SLC25A18: variants seen among roughly 807,000 people sequenced by gnomAD.
SLC25A18 encodes mitochondrial glutamate carrier 2.
In SLC25A18, 24 loss-of-function variants were observed where a neutral mutation model predicts 31.1. That is an observed-to-expected ratio of 0.77 (90% confidence interval 0.56 to 1.08). The LOEUF (loss-of-function observed/expected upper bound fraction) is 1.08. SLC25A18 is among the 50% of genes least tolerant of loss of function. The probability of loss-of-function intolerance (pLI) is 0.00; values close to 1 mark genes in which losing one functional copy is unlikely to be tolerated. For missense variants in SLC25A18, 371 were observed against 418.5 expected, an observed-to-expected ratio of 0.89 and a Z score of 0.99; for synonymous variants, 173 against 161.9, an observed-to-expected ratio of 1.07 and a Z score of -0.52.
chr22:17,580,787 G>A, intron 3 of SLC25A18: 2 of 1,263,036 alleles, frequency 1.6e-6, no homozygotes, highest in Non-Finnish European at 2.0e-6. Flanking sequence ...GCAGAGCTGG[G>A]CTCCTCCCAG....
At chr22:17,565,518 C>CA in intron 1 of SLC25A18, among the ~76,000 whole-genome samples, 1 of 152,256 alleles carries the variant, frequency 6.6e-6, no homozygotes, top group South Asian at 2.1e-4. Flanking sequence ...GAACTACAGA[C>CA]ACACACCGCA....
chr22:17,590,981 G>C lies in SLC25A18; in HGVS notation c.*745G>C, dbSNP rs1405708819. The C allele has an allele frequency of 3.9e-5, 6 of 152,242 alleles. No homozygotes were observed. Among genetic ancestry groups the C allele is most frequent in the African/African-American group, 1.2e-4 (5 of 41,442 alleles). The allele number at this position is 152,242 out of a possible 1,614,324, so 9.4% of individuals were successfully genotyped here. ...CCATTTCAAAACCAAACATTAAAAA[G>C]GGCATAGAAGCAGACCCCCGTCACT... On this transcript the variant is annotated 3_prime_UTR_variant, in exon 11 of 11. Coordinates refer to ENST00000327451, the MANE Select transcript of SLC25A18 (RefSeq NM_031481.3).
intron 2 of SLC25A18, among the ~76,000 whole-genome samples, chr22:17,577,454 G>A (rs983625592): frequency 3.3e-5 from 5 of 151,932 alleles, no homozygotes; most frequent in South Asian, 2.1e-4. Flanking sequence ...CACCGCACCC[G>A]GCCCACAGTT....
chr22:17,587,369 G>C, intron 8 of SLC25A18, 68 bp downstream of exon 8: 1 of 1,516,354 alleles, frequency 6.6e-7, no homozygotes, highest in South Asian at 1.3e-5. Context: ...AGAGCTGGTT[G>C]TCCCTATCTG....
rs779433707 is a variant in SLC25A18, at chr22:17,588,038, T to A, written c.689T>A (p.Val230Glu). Residue 230 changes from valine to glutamate, a missense_variant, in exon 9 of 11, where the codon GTG (valine) becomes GAG (glutamate). By Grantham distance (121) the Val-to-Glu change is moderately radical (BLOSUM62 -2). Transcript: ENST00000327451. ...GCACATTCCTTCGTGTCAGGCTGTG[T>A]GGCAGGTTCCATAGCTGCGGTCGCA... ...SFAHSFVSGC[V>E]AGSIAAVAVT... The A allele has an allele frequency of 7.4e-6, 12 of 1,614,086 alleles. 2 individuals are homozygous for A. In the South Asian group the frequency reaches 1.3e-4, roughly 18 times the overall value.
At chr22:17,565,501 G>A (rs1472020690) in intron 1 of SLC25A18, among the ~76,000 whole-genome samples, 3 of 152,076 alleles carry the variant, frequency 2.0e-5, no homozygotes, top group African/African-American at 7.2e-5. Flanking sequence ...GACCTCCCAA[G>A]TAGCTAGAAC....
At chr22:17,564,264 C>T (rs1417944683) in intron 1 of SLC25A18, among the ~76,000 whole-genome samples, 3 of 152,220 alleles carry the variant, frequency 2.0e-5, no homozygotes, top group Non-Finnish European at 4.4e-5. Flanking sequence ...ATCATTCTCA[C>T]TCACATGATC....
intron 2 of SLC25A18, among the ~76,000 whole-genome samples, chr22:17,578,796 AG>A (rs1391782127): frequency 2.6e-5 from 4 of 152,214 alleles, no homozygotes; most frequent in Admixed American, 1.3e-4. Context: ...GCTACTCCAG[AG>A]GCTAAGGCAG....
chr22:17,568,169 C>T (rs1389944512), intron 1 of SLC25A18, among the ~76,000 whole-genome samples: 1 of 151,806 alleles, frequency 6.6e-6, no homozygotes, highest in African/African-American at 2.4e-5. Flanking sequence ...TCAAGACCAT[C>T]CTGGCTAACA....
chr22:17,571,846 C>G (rs549306367), intron 2 of SLC25A18, among the ~76,000 whole-genome samples: 191 of 151,896 alleles, frequency 1.3e-3, no homozygotes, highest in African/African-American at 4.2e-3. Flanking sequence ...TGGTGAAACC[C>G]CGTATTTACT....
At chr22:17,589,739 A>C (rs1172195905) in intron 10 of SLC25A18, 74 bp downstream of exon 10, 1 of 1,396,072 alleles carries the variant, frequency 7.2e-7, no homozygotes, top group South Asian at 1.2e-5. Context: ...GACCAGATTT[A>C]GAGACCAACT....
At chr22:17,588,729 G>C (rs536635397) in intron 9 of SLC25A18, 1 of 152,214 alleles carries the variant, frequency 6.6e-6, no homozygotes, top group Admixed American at 6.6e-5. Flanking sequence ...TTCCCTCCGT[G>C]TTAGGGCTGC....
Position 17,584,020 on chromosome 22 carries a change from A to G in SLC25A18, c.409+486A>G. On this transcript the variant is annotated intron_variant, in intron 7 of 10. Transcript: ENST00000327451. ...CTCTAGAACAAATAGCAGAAATGAGAATGTTGATTCAGAGGGTCAGAAAAT... is the reference window on the plus strand; with the variant it reads ...CTCTAGAACAAATAGCAGAAATGAGGATGTTGATTCAGAGGGTCAGAAAAT... 2.0e-6 allele frequency: 2 copies of G among 977,270 alleles called. 1 individual carries two copies. Among genetic ancestry groups the G allele is most frequent in the South Asian group, 9.5e-5 (2 of 21,084 alleles). The allele number at this position is 977,270 out of a possible 1,614,324, so 60.5% of individuals were successfully genotyped here.
chr22:17,581,418 G>T lies in SLC25A18; in HGVS notation c.199+5G>T. The T allele has an allele frequency of 1.2e-6, 2 of 1,614,052 alleles. No individual in the cohort carries two copies. Among genetic ancestry groups the T allele is most frequent in the Non-Finnish European group, 8.5e-7 (1 of 1,179,994 alleles). On this transcript the variant is annotated splice_donor_5th_base_variant and intron_variant, in intron 5 of 10. Coordinates refer to ENST00000327451, the MANE Select transcript of SLC25A18 (RefSeq NM_031481.3). The stretch of plus-strand genomic sequence containing the variant: ...GCTTCTTCGGCATGTACCGAGGTGG[G>T]CTTCTCAGGTCCCCTGGGAGGCTGG...
At chr22:17,577,579 ATTTT>A (rs695611) in intron 2 of SLC25A18, among the ~76,000 whole-genome samples, 1 of 118,926 alleles carries the variant, frequency 8.4e-6, no homozygotes, top group African/African-American at 3.3e-5. Context: ...TGTCCTGTCT[ATTTT>A]TTTTTTTTTT....
intron 2 of SLC25A18, among the ~76,000 whole-genome samples, chr22:17,571,004 A>G (rs2146212612): frequency 6.6e-6 from 1 of 152,332 alleles, no homozygotes; most frequent in Non-Finnish European, 1.5e-5. Flanking sequence ...GGATGCGGAA[A>G]GAGTGTCCTG....
chr22:17,581,120 G>A lies in SLC25A18; in HGVS notation c.104G>A (p.Arg35His). 1.3e-6 allele frequency: 2 copies of A among 1,588,838 alleles called. No individual in the cohort carries two copies. The highest frequency in any genetic ancestry group is 1.7e-6 in the Non-Finnish European group (2 of 1,167,104). The change falls in exon 4 of 11, where the codon CGC becomes CAC. Residue 35 changes from arginine to histidine, a missense_variant. Arg to His is a conservative substitution (Grantham distance 29). Transcript: ENST00000327451. Reference sequence around the variant, plus strand: ...TTCCCCATCGACTTGGCCAAGACTCGCCTGCAGAACCAGCATGGGAAAGCC... The same window carrying A: ...TTCCCCATCGACTTGGCCAAGACTCACCTGCAGAACCAGCATGGGAAAGCC... ...CVFPIDLAKT[R>H]LQNQHGKAMY...
chr22:17,585,650 A>ATTTTTTTTT (rs143835144), intron 7 of SLC25A18, among the ~76,000 whole-genome samples: 25 of 137,214 alleles, frequency 1.8e-4, no homozygotes, highest in African/African-American at 7.0e-4. Context: ...TATTATTATT[A>ATTTTTTTTT]TTTTTTTTTT....
chr22:17,583,399 G>A lies in SLC25A18; in HGVS notation c.291-17G>A. 1.2e-6 allele frequency: 2 copies of A among 1,613,790 alleles called. No individual in the cohort carries two copies. The highest frequency in any genetic ancestry group is 1.1e-5 in the South Asian group (1 of 91,070). ...CTGTGGCCTGCGGCTGAAGGAGCCT[G>A]ACGCCTGTTCCCATAGGATGCAGCG... On this transcript the variant is annotated splice_polypyrimidine_tract_variant and intron_variant, in intron 6 of 10. Transcript: ENST00000327451.
Sources: allele counts gnomAD v4.1 joint callset (sites outside exome capture counted in the v4.1 genomes callset), GRCh38; gene constraint gnomAD v4.1.1; transcripts MANE v1.5; gene names NCBI Gene and HGNC (gene_info 2026-07-23, HGNC 2026-07-21).